The following AUTS2 variants were observed in gnomAD, a reference collection of about 807,000 sequenced individuals.
AUTS2 encodes the protein autism susceptibility gene 2 protein.
AUTS2 carries 17 observed loss-of-function variants against 112.4 expected under a neutral mutation model. That is an observed-to-expected ratio of 0.15 (90% CI 0.10 to 0.23). The LOEUF is 0.23. Ranked by LOEUF, AUTS2 falls within the 10% of genes least tolerant of loss-of-function variation. AUTS2 has a pLI of 1.00. For synonymous variants in AUTS2, 751 were observed against 702.7 expected (o/e 1.07, Z -1.09); for missense variants, 1,510 against 1,701.6 (o/e 0.89, Z 1.98).
chr7:69,640,984 G>A (rs1794775313), intron 1 of AUTS2, among the ~76,000 whole-genome samples: 1 of 152,198 alleles, frequency 6.6e-6, no homozygotes, highest in Non-Finnish European at 1.5e-5. Context: ...GTGGTAGAGA[G>A]ATTGAAGGAA....
intron 2 of AUTS2, among the ~76,000 whole-genome samples, chr7:69,971,418 A>C (rs764094542): frequency 7.2e-5 from 11 of 152,236 alleles, no homozygotes; most frequent in Non-Finnish European, 1.5e-4. Context: ...TAATAGTACA[A>C]TATGCAGTTT....
At chr7:70,005,073 C>T (rs2129553472) in intron 2 of AUTS2, among the ~76,000 whole-genome samples, 1 of 152,152 alleles carries the variant, frequency 6.6e-6, no homozygotes, top group Non-Finnish European at 1.5e-5. Context: ...GATTCACTCG[C>T]CTCAGCTTCC....
chr7:69,604,078 G>A (rs1031675610), intron 1 of AUTS2, among the ~76,000 whole-genome samples: 2 of 152,146 alleles, frequency 1.3e-5, no homozygotes, highest in South Asian at 4.1e-4. Context: ...CAGAAAAGAG[G>A]CCAATTGGAG....
chr7:70,006,539 T>C (rs1001246911), intron 2 of AUTS2, among the ~76,000 whole-genome samples: 1 of 152,158 alleles, frequency 6.6e-6, no homozygotes, highest in African/African-American at 2.4e-5. Flanking sequence ...TTTCCCATCT[T>C]GTCACTTCCA....
chr7:70,352,416 C>T (rs1286001576), intron 4 of AUTS2, among the ~76,000 whole-genome samples: 1 of 152,092 alleles, frequency 6.6e-6, no homozygotes, highest in Admixed American at 6.6e-5. Context: ...TGTAAACTCC[C>T]TGAGGGTAGA....
At chr7:70,749,912 G>A (rs956640342) in intron 6 of AUTS2, among the ~76,000 whole-genome samples, 1 of 152,194 alleles carries the variant, frequency 6.6e-6, no homozygotes, top group Non-Finnish European at 1.5e-5. Flanking sequence ...AAGCTCTAAA[G>A]GAATAGAAGA....
rs142394703 is a variant in AUTS2 at position 69,931,519 on chromosome 7, T to A, written c.522+32021T>A. Among the ~76,000 whole-genome samples, 552 of 152,318 alleles carry A rather than the reference T, an allele frequency of 3.6e-3. 3 individuals are homozygous for A. Among genetic ancestry groups the A allele is most frequent in the African/African-American group, 0.012 (505 of 41,564 alleles). ...ATCAGAATGTCTCCTTTTTCTGTTCTGCTGTATTCATTGTGGTATTTTGTT... is the reference window on the plus strand; with the variant it reads ...ATCAGAATGTCTCCTTTTTCTGTTCAGCTGTATTCATTGTGGTATTTTGTT... On this transcript the variant is annotated intron_variant, in intron 2 of 18. Coordinates refer to ENST00000342771, the MANE Select transcript of AUTS2 (RefSeq NM_015570.4).
intron 1 of AUTS2, among the ~76,000 whole-genome samples, chr7:69,649,770 C>G (rs1795210956): frequency 6.6e-6 from 1 of 152,120 alleles, no homozygotes; most frequent in African/African-American, 2.4e-5. Flanking sequence ...ACCACAGACT[C>G]TTTCAGAGCA....
At chr7:70,486,276 T>A (rs539943817) in intron 5 of AUTS2, among the ~76,000 whole-genome samples, 7 of 152,182 alleles carry the variant, frequency 4.6e-5, no homozygotes, top group Non-Finnish European at 8.8e-5. Context: ...ACATCTTGTC[T>A]CTCGCTGTAC....
chr7:69,664,121 C>T (rs536745845), intron 1 of AUTS2, among the ~76,000 whole-genome samples: 6 of 152,288 alleles, frequency 3.9e-5, no homozygotes, highest in African/African-American at 9.6e-5. Flanking sequence ...CTCCTAGCCA[C>T]GTGACAACAC....
intron 5 of AUTS2, among the ~76,000 whole-genome samples, chr7:70,507,763 C>T (rs1045875989): frequency 5.3e-5 from 8 of 152,088 alleles, no homozygotes; most frequent in African/African-American, 1.7e-4. Flanking sequence ...CACCATTGTA[C>T]TCCAGCCTAG....
intron 5 of AUTS2, among the ~76,000 whole-genome samples, chr7:70,639,329 C>T (rs974259627): frequency 1.2e-4 from 19 of 152,074 alleles, no homozygotes; most frequent in East Asian, 5.8e-4. Context: ...CATGAGCTGA[C>T]CCCAAGAAGG....
chr7:70,414,348 T>C (rs1794905214), intron 4 of AUTS2, among the ~76,000 whole-genome samples: 1 of 152,210 alleles, frequency 6.6e-6, no homozygotes, highest in Non-Finnish European at 1.5e-5. Context: ...AAAGCTTTTG[T>C]AGCGATGAAC....
intron 1 of AUTS2, among the ~76,000 whole-genome samples, chr7:69,810,455 G>A (rs1790498272): frequency 6.6e-6 from 1 of 151,342 alleles, no homozygotes. Flanking sequence ...AAAGCCCTTG[G>A]CACACAGTAG....
chr7:70,411,111 C>T (rs750848490), intron 4 of AUTS2, among the ~76,000 whole-genome samples: 7 of 152,078 alleles, frequency 4.6e-5, no homozygotes, highest in East Asian at 1.9e-4. Flanking sequence ...GTGATCCGCC[C>T]GCCTTGGCCT....
At chr7:70,777,279 A>C (rs1585673594) in intron 14 of AUTS2, 105 bp downstream of exon 14, 3 of 1,000,954 alleles carry the variant, frequency 3.0e-6, no homozygotes, top group Non-Finnish European at 3.1e-6. Context: ...CATTTTACAG[A>C]CCCATAGTTA....
chr7:69,948,839 C>T (rs959432910), intron 2 of AUTS2, among the ~76,000 whole-genome samples: 1 of 151,586 alleles, frequency 6.6e-6, no homozygotes, highest in Non-Finnish European at 1.5e-5. Flanking sequence ...GAGTTTCACT[C>T]TTGTCACCCA....
intron 2 of AUTS2, among the ~76,000 whole-genome samples, chr7:70,014,234 C>G (rs958151837): frequency 6.6e-6 from 1 of 152,200 alleles, no homozygotes; most frequent in Admixed American, 6.5e-5. Context: ...TCACTTCTGT[C>G]TCAAGTAGAA....
chr7:70,527,655 G>A (rs897245943), intron 5 of AUTS2, among the ~76,000 whole-genome samples: 1 of 152,092 alleles, frequency 6.6e-6, no homozygotes, highest in Non-Finnish European at 1.5e-5. Context: ...AGAAAACACT[G>A]GTCTACATAA....
Sources: gnomAD v4.1 joint callset for allele counts (sites outside exome capture counted in the v4.1 genomes callset) on GRCh38, gnomAD v4.1.1 for gene constraint, MANE v1.5 for transcripts, NCBI Gene and HGNC (gene_info 2026-07-23, HGNC 2026-07-21) for gene names.